The following LRRTM4 variants were observed in gnomAD, a reference collection of about 807,000 sequenced individuals.
The protein encoded by LRRTM4 is leucine rich repeat transmembrane neuronal 4, also known as leucine-rich repeat transmembrane neuronal protein 4.
In LRRTM4, 25 loss-of-function variants were observed where a neutral mutation model predicts 47.6. The observed-to-expected ratio is 0.53, with a 90% CI of 0.38 to 0.73. LRRTM4 has a LOEUF of 0.73. LRRTM4 is among the 30% of genes least tolerant of loss of function. LRRTM4 has a pLI of 0.00. For synonymous variants in LRRTM4, 311 were observed against 269.5 expected (o/e 1.15, Z -1.51); for missense variants, 638 against 713.4 (o/e 0.89, Z 1.20).
chr2:76,873,520 A>ATG (rs1672695599), intron 3 of LRRTM4, among the ~76,000 whole-genome samples: 4 of 143,560 alleles, frequency 2.8e-5, no homozygotes, highest in East Asian at 2.0e-4. Context: ...ATATATATAT[A>ATG]TATATATATA....
intron 3 of LRRTM4, among the ~76,000 whole-genome samples, chr2:76,859,282 C>CT (rs969032609): frequency 4.0e-5 from 6 of 151,160 alleles, no homozygotes; most frequent in African/African-American, 7.3e-5. Context: ...GTTATATATT[C>CT]TTTTTTTTTC....
chr2:77,108,835 G>A (rs577378897), intron 3 of LRRTM4, among the ~76,000 whole-genome samples: 7 of 151,944 alleles, frequency 4.6e-5, no homozygotes, highest in African/African-American at 1.4e-4. Flanking sequence ...CGCCCGCCTC[G>A]GCCTCCCAAA....
intron 3 of LRRTM4, among the ~76,000 whole-genome samples, chr2:77,377,465 C>A (rs1672880859): frequency 6.6e-6 from 1 of 151,778 alleles, no homozygotes; most frequent in Non-Finnish European, 1.5e-5. Context: ...AACTTTATTT[C>A]TTCTTTCTAA....
chr2:76,865,320 T>C (rs1416517073), intron 3 of LRRTM4, among the ~76,000 whole-genome samples: 1 of 152,158 alleles, frequency 6.6e-6, no homozygotes, highest in Non-Finnish European at 1.5e-5. Flanking sequence ...TTTTCAGAAG[T>C]CATGTTTGGA....
At chr2:76,831,555 A>T (rs1298708524) in intron 3 of LRRTM4, among the ~76,000 whole-genome samples, 1 of 152,122 alleles carries the variant, frequency 6.6e-6, no homozygotes, top group Non-Finnish European at 1.5e-5. Flanking sequence ...CCCAACCATC[A>T]GCCTATAAAA....
intron 3 of LRRTM4, among the ~76,000 whole-genome samples, chr2:77,484,263 C>T (rs534007169): frequency 6.6e-6 from 1 of 152,286 alleles, no homozygotes; most frequent in Non-Finnish European, 1.5e-5. Flanking sequence ...ATGTAGATAA[C>T]TTGTGTGGTT....
chr2:77,058,132 T>G (rs1010621867), intron 3 of LRRTM4, among the ~76,000 whole-genome samples: 15 of 152,190 alleles, frequency 9.9e-5, no homozygotes, highest in African/African-American at 3.1e-4. Flanking sequence ...TTCAGTTTTC[T>G]AATTCAAACA....
In LRRTM4 at chr2:77,325,740, C is replaced by CG. The variant is rs571475043; in HGVS notation, c.1551+192577dup. Among the ~76,000 whole-genome samples the CG allele has an allele frequency of 3.3e-5, 5 of 152,148 alleles. No homozygotes were observed. The South Asian group carries it at 8.3e-4, about 25-fold the overall frequency. On this transcript the variant is annotated intron_variant, in intron 3 of 3. Transcript: ENST00000409884. ...GCTTTCAGTTCTTTGTACTATGTAT[C>CG]GGAAAAAAGATGTGTGAAAGCTTTT... is the stretch of plus-strand genomic sequence containing the variant.
rs75612312 is a variant in LRRTM4, at chr2:77,325,175, G to A, written c.1551+193143C>T. On this transcript the variant is annotated intron_variant, in intron 3 of 3. Transcript: ENST00000409884. ...CCAGACAATAATGAAATCGCCAAAG[G>A]ACTGCCCCCCTTCAAAGAGAATATT... is the stretch of plus-strand genomic sequence containing the variant. Among the ~76,000 whole-genome samples, 201 of 152,104 alleles carry A rather than the reference G, an allele frequency of 1.3e-3. 3 individuals are homozygous for A. The East Asian group carries it at 0.034, about 26-fold the overall frequency.
At chr2:76,800,374 T>C (rs1675599377) in intron 3 of LRRTM4, among the ~76,000 whole-genome samples, 2 of 133,472 alleles carry the variant, frequency 1.5e-5, no homozygotes, top group African/African-American at 6.0e-5. Context: ...ATTTAATAAA[T>C]GGTGCTGGGA....
At chr2:77,511,304 T>C (rs1678978325) in intron 3 of LRRTM4, among the ~76,000 whole-genome samples, 1 of 152,192 alleles carries the variant, frequency 6.6e-6, no homozygotes, top group South Asian at 2.1e-4. Context: ...TCAAAAGCAA[T>C]ACCATCTGTA....
chr2:77,477,980 A>C (rs567783796), intron 3 of LRRTM4, among the ~76,000 whole-genome samples: 61 of 151,986 alleles, frequency 4.0e-4, no homozygotes, highest in Non-Finnish European at 7.1e-4. Flanking sequence ...AAAGAAAAAA[A>C]GCCACATGAG....
intron 3 of LRRTM4, among the ~76,000 whole-genome samples, chr2:77,071,738 C>T (rs1405593744): frequency 1.3e-5 from 2 of 152,122 alleles, no homozygotes; most frequent in Non-Finnish European, 2.9e-5. Context: ...AATTTGTTCC[C>T]ATTCATGGGG....
chr2:76,955,390 A>G (rs1271428821), intron 3 of LRRTM4, among the ~76,000 whole-genome samples: 2 of 152,012 alleles, frequency 1.3e-5, no homozygotes, highest in Non-Finnish European at 2.9e-5. Context: ...GTTGTTACCT[A>G]CTTAAAACAG....
intron 3 of LRRTM4, among the ~76,000 whole-genome samples, chr2:77,307,005 T>C (rs901866903): frequency 8.1e-5 from 12 of 147,406 alleles, no homozygotes; most frequent in African/African-American, 3.1e-4. Flanking sequence ...GTTCACACCA[T>C]TCTCCTGCCT....
intron 3 of LRRTM4, among the ~76,000 whole-genome samples, chr2:76,951,632 T>C (rs1227198638): frequency 6.6e-6 from 1 of 151,966 alleles, no homozygotes; most frequent in Non-Finnish European, 1.5e-5. Flanking sequence ...TTTTTTCTTT[T>C]ACTTTAACTT....
At chr2:76,841,481 C>A (rs1046473660) in intron 3 of LRRTM4, among the ~76,000 whole-genome samples, 2 of 151,808 alleles carry the variant, frequency 1.3e-5, no homozygotes, top group African/African-American at 4.8e-5. Flanking sequence ...AGGAACATGT[C>A]ACTTTCAATT....
chr2:76,996,243 G>T lies in LRRTM4; in HGVS notation c.1552-247327C>A, dbSNP rs140657059. 1.3e-3 allele frequency among the ~76,000 whole-genome samples: 196 copies of T among 152,116 alleles called. 6 individuals carry two copies. The East Asian group carries it at 0.036, about 28-fold the overall frequency. On this transcript the variant is annotated intron_variant, in intron 3 of 3. Transcript: ENST00000409884. ...TTGAACTCTTAGATAATGTAACTTA[G>T]ATCAATTTTGTTGATTTAGAGAAAT...
At chr2:77,255,471 T>C (rs898749972) in intron 3 of LRRTM4, among the ~76,000 whole-genome samples, 1 of 152,050 alleles carries the variant, frequency 6.6e-6, no homozygotes, top group Non-Finnish European at 1.5e-5. Flanking sequence ...GATTACATAT[T>C]ATTTTCATAT....
Sources: gnomAD v4.1 joint callset for allele counts (sites outside exome capture counted in the v4.1 genomes callset) on GRCh38, gnomAD v4.1.1 for gene constraint, MANE v1.5 for transcripts, NCBI Gene and HGNC (gene_info 2026-07-23, HGNC 2026-07-21) for gene names.